EPHA6: variants seen among roughly 807,000 people sequenced by gnomAD.
EPHA6 encodes EPH receptor A6.
EPHA6 carries 50 observed loss-of-function variants against 112.0 expected under a neutral mutation model. That is an observed-to-expected ratio of 0.45 (90% CI 0.36 to 0.56). The LOEUF (loss-of-function observed/expected upper bound fraction) is 0.56. EPHA6 is among the 20% of genes least tolerant of loss of function. The probability of loss-of-function intolerance (pLI) is 0.00; values close to 1 mark genes in which losing one functional copy is unlikely to be tolerated. For synonymous variants in EPHA6, 529 were observed against 490.7 expected (o/e 1.08, Z -1.03); for missense variants, 1,280 against 1,417.4 (o/e 0.90, Z 1.56).
In EPHA6 at chr3:97,636,539, A is replaced by T. The variant is rs149305549; in HGVS notation, c.2575-1334A>T. On this transcript the variant is annotated intron_variant, in intron 13 of 17. Transcript: ENST00000389672. ...GAGAGGGTTCTTTCCCTTACTCTGCACTTGAGTTGGGAGATATTATCAGAG... is the reference window on the plus strand; with the variant it reads ...GAGAGGGTTCTTTCCCTTACTCTGCTCTTGAGTTGGGAGATATTATCAGAG... Among the ~76,000 whole-genome samples, 630 of 152,206 alleles carry T rather than the reference A, an allele frequency of 4.1e-3. 2 individuals are homozygous for T. Among genetic ancestry groups the T allele is most frequent in the African/African-American group, 0.014 (583 of 41,550 alleles).
intron 5 of EPHA6, among the ~76,000 whole-genome samples, chr3:97,343,579 G>A (rs974396548): frequency 1.3e-5 from 2 of 152,126 alleles, no homozygotes; most frequent in African/African-American, 4.8e-5. Context: ...AGGTTAGTGT[G>A]GGTGTGACCC....
chr3:97,218,891 A>G (rs1448775844), intron 3 of EPHA6, among the ~76,000 whole-genome samples: 2 of 152,194 alleles, frequency 1.3e-5, no homozygotes, highest in South Asian at 2.1e-4. Context: ...TCTAGATACA[A>G]TAGGGGTACA....
Position 97,756,956 on chromosome 3 carries a change from G to A in EPHA6, c.*8255G>A, listed in dbSNP as rs2036041331. The stretch of plus-strand genomic sequence containing the variant: ...ACTTATTTTTAATTTTGTGTACAGT[G>A]AAAACTTTGACAGTTTAATTTTGAA... On this transcript the variant is annotated 3_prime_UTR_variant, in exon 18 of 18. Coordinates refer to ENST00000389672, the MANE Select transcript of EPHA6 (RefSeq NM_001080448.3). Among the ~76,000 whole-genome samples the A allele has an allele frequency of 6.6e-6, 1 of 151,732 alleles. No individual in the cohort carries two copies. The highest frequency in any genetic ancestry group is 1.5e-5 in the Non-Finnish European group (1 of 67,736).
chr3:97,254,899 A>G (rs530408222), intron 5 of EPHA6, among the ~76,000 whole-genome samples: 3 of 152,314 alleles, frequency 2.0e-5, no homozygotes, highest in South Asian at 4.1e-4. Context: ...ATAGAAGGTC[A>G]CCATCCCCTG....
intron 11 of EPHA6, among the ~76,000 whole-genome samples, chr3:97,567,776 T>C (rs1401875008): frequency 1.3e-5 from 2 of 152,062 alleles, no homozygotes; most frequent in East Asian, 3.9e-4. Flanking sequence ...AAACAAACTT[T>C]ATTATACTCA....
chr3:97,646,564 A>G (rs1408199747), intron 14 of EPHA6, among the ~76,000 whole-genome samples: 1 of 152,138 alleles, frequency 6.6e-6, no homozygotes, highest in African/African-American at 2.4e-5. Context: ...TTGGAGGGCC[A>G]ATTGTGAAAC....
At chr3:97,343,492 T>G (rs763883086) in intron 5 of EPHA6, among the ~76,000 whole-genome samples, 3 of 152,194 alleles carry the variant, frequency 2.0e-5, no homozygotes, top group Non-Finnish European at 2.9e-5. Context: ...TAAATCTGCC[T>G]GTCTATATTA....
chr3:96,909,498 T>C (rs1266787940), intron 2 of EPHA6, among the ~76,000 whole-genome samples: 1 of 151,948 alleles, frequency 6.6e-6, no homozygotes, highest in African/African-American at 2.4e-5. Flanking sequence ...AGATTTTAAA[T>C]TGACTATACA....
intron 14 of EPHA6, among the ~76,000 whole-genome samples, chr3:97,717,195 C>T (rs1199242180): frequency 7.0e-6 from 1 of 143,244 alleles, no homozygotes; most frequent in Non-Finnish European, 1.5e-5. Context: ...CGCGCCATTG[C>T]ACTCCAGCCT....
intron 14 of EPHA6, among the ~76,000 whole-genome samples, chr3:97,645,915 G>A (rs767356445): frequency 1.3e-5 from 2 of 152,056 alleles, no homozygotes; most frequent in Non-Finnish European, 2.9e-5. Context: ...GGAAGGATTT[G>A]GAGGAAAGAG....
chr3:97,410,203 A>G (rs2087622651), intron 6 of EPHA6, among the ~76,000 whole-genome samples: 1 of 152,034 alleles, frequency 6.6e-6, no homozygotes, highest in Non-Finnish European at 1.5e-5. Context: ...CTGTTATTCT[A>G]CTTTCTCAAT....
At chr3:97,314,958 C>CA (rs1181060750) in intron 5 of EPHA6, among the ~76,000 whole-genome samples, 2 of 151,492 alleles carry the variant, frequency 1.3e-5, no homozygotes. Context: ...GTCATAGATA[C>CA]AAAGCATTCT....
At chr3:97,004,486 T>G (rs985972048) in intron 3 of EPHA6, among the ~76,000 whole-genome samples, 2 of 152,170 alleles carry the variant, frequency 1.3e-5, no homozygotes, top group African/African-American at 4.8e-5. Flanking sequence ...TTGATGGGGT[T>G]GTTTGTCTTT....
intron 10 of EPHA6, among the ~76,000 whole-genome samples, chr3:97,486,517 C>T (rs2091702719): frequency 1.3e-5 from 2 of 152,104 alleles, no homozygotes; most frequent in Admixed American, 1.3e-4. Context: ...GATTGAGGGG[C>T]CACATCTGCT....
chr3:97,521,045 C>G (rs529242106), intron 10 of EPHA6, among the ~76,000 whole-genome samples: 7 of 151,708 alleles, frequency 4.6e-5, no homozygotes, highest in Non-Finnish European at 7.4e-5. Flanking sequence ...AGGATTTCTG[C>G]TTGGTTCTTT....
In EPHA6 at chr3:97,548,911, G is replaced by A. The variant is rs192977997; in HGVS notation, c.2386+16368G>A. Among the ~76,000 whole-genome samples the A allele has an allele frequency of 2.5e-3, 386 of 152,266 alleles. 1 individual carries two copies. The highest frequency in any genetic ancestry group is 6.8e-3 in the Middle Eastern group (2 of 294). On this transcript the variant is annotated intron_variant, in intron 11 of 17. Transcript: ENST00000389672. ...TTGCACATACGAAGGTGAAGCCATC[G>A]GATTATAATGGAGCTGGAAAACTCC... is the stretch of plus-strand genomic sequence containing the variant.
rs191832690 is a variant in EPHA6 at position 97,674,757 on chromosome 3, A to G, written c.2784+36675A>G. 8.5e-5 allele frequency among the ~76,000 whole-genome samples: 13 copies of G among 152,332 alleles called. No homozygotes were observed. The East Asian group carries it at 2.5e-3, about 29-fold the overall frequency. ...AAGGCAAGCATTGTGCTTGTTATTC[A>G]CTGCTATCATCTAAAGCGCATCTCT... On this transcript the variant is annotated intron_variant, in intron 14 of 17. Coordinates refer to ENST00000389672, the MANE Select transcript of EPHA6 (RefSeq NM_001080448.3).
At chr3:96,940,195 G>A (rs1050612279) in intron 2 of EPHA6, among the ~76,000 whole-genome samples, 1 of 152,176 alleles carries the variant, frequency 6.6e-6, no homozygotes, top group African/African-American at 2.4e-5. Flanking sequence ...AATGTTGACA[G>A]TGTGGTGTTA....
chr3:97,597,315 G>T (rs181039120), intron 12 of EPHA6, among the ~76,000 whole-genome samples: 16 of 152,174 alleles, frequency 1.1e-4, no homozygotes, highest in African/African-American at 3.9e-4. Context: ...CTTGTGTTAG[G>T]TTCAAAGGAA....
Sources: gnomAD v4.1 joint callset for allele counts (sites outside exome capture counted in the v4.1 genomes callset) on GRCh38, gnomAD v4.1.1 for gene constraint, MANE v1.5 for transcripts, NCBI Gene and HGNC (gene_info 2026-07-23, HGNC 2026-07-21) for gene names.